ZNF704: variants seen among roughly 807,000 people sequenced by gnomAD.
ZNF704 encodes glucocorticoid induced gene 1.
A neutral mutation model predicts 44.7 loss-of-function variants in ZNF704; 10 were observed. The observed-to-expected ratio is 0.22, with a 90% CI of 0.14 to 0.38. The LOEUF (loss-of-function observed/expected upper bound fraction) is 0.38. Among genes scored for constraint, ZNF704 ranks in the 10% least tolerant of loss-of-function variants. ZNF704 has a pLI of 1.00. For missense variants in ZNF704, 390 were observed against 545.5 expected (o/e 0.71, Z 2.84); for synonymous variants, 211 against 207.6 (o/e 1.02, Z -0.14).
intron 1 of ZNF704, among the ~76,000 whole-genome samples, chr8:80,851,516 T>C (rs968373059): frequency 9.9e-5 from 14 of 141,380 alleles, no homozygotes; most frequent in African/African-American, 2.9e-4. Flanking sequence ...TAGGTGGGAA[T>C]TGAACAATGA....
intron 4 of ZNF704, among the ~76,000 whole-genome samples, chr8:80,678,390 T>C (rs182956350): frequency 1.3e-5 from 2 of 152,338 alleles, no homozygotes; most frequent in East Asian, 3.9e-4. Context: ...ATCTCACATT[T>C]ATTATCCCAT....
At chr8:80,872,558 T>C (rs1809270954) in intron 1 of ZNF704, among the ~76,000 whole-genome samples, 2 of 152,168 alleles carry the variant, frequency 1.3e-5, no homozygotes, top group Admixed American at 6.5e-5. Flanking sequence ...ATTCAGCTGA[T>C]TTTAGGAACC....
chr8:80,703,405 T>C (rs114585721), intron 2 of ZNF704, among the ~76,000 whole-genome samples: 205 of 152,250 alleles, frequency 1.3e-3, no homozygotes, highest in African/African-American at 4.6e-3. Context: ...CTCCTCCCCA[T>C]GCGAAGATCA....
intron 2 of ZNF704, among the ~76,000 whole-genome samples, chr8:80,783,832 T>A (rs925247988): frequency 6.6e-6 from 1 of 152,100 alleles, no homozygotes; most frequent in Admixed American, 6.5e-5. Flanking sequence ...CATTATAGCA[T>A]CATACAAGGT....
At chr8:80,655,807 C>T (rs1818005542) in intron 7 of ZNF704, among the ~76,000 whole-genome samples, 1 of 152,176 alleles carries the variant, frequency 6.6e-6, no homozygotes, top group Admixed American at 6.5e-5. Flanking sequence ...TCTGAATCTT[C>T]CCTCAAGGCA....
rs143388917 is a variant in ZNF704 at position 80,709,122 on chromosome 8, C to T, written c.222-16015G>A. Among the ~76,000 whole-genome samples, 289 of 152,194 alleles carry T rather than the reference C, an allele frequency of 1.9e-3. 1 individual carries two copies. Among genetic ancestry groups the T allele is most frequent in the African/African-American group, 6.6e-3 (275 of 41,530 alleles). On this transcript the variant is annotated intron_variant, in intron 2 of 8. Transcript: ENST00000327835. ...CATCTACCATAGACAGAAATAAGCA[C>T]GTGCTTTCCTTTGTAAGTAGGAAAA...
At position 80,727,790 on chromosome 8, in the gene ZNF704, A is replaced by G. The variant is rs570885413; in HGVS notation, c.222-34683T>C. On this transcript the variant is annotated intron_variant, in intron 2 of 8. Transcript: ENST00000327835. ...AGGAGAGCTCTTGCTTTTCCTGAGC[A>G]TAGGAAAAATTAGCATCGGTATTTC... Among the ~76,000 whole-genome samples, 43 of 152,300 alleles carry G rather than the reference A, an allele frequency of 2.8e-4. No homozygotes were observed. In the South Asian group the frequency reaches 8.7e-3, roughly 31 times the overall value.
chr8:80,654,566 T>C (rs1817980041), intron 7 of ZNF704, among the ~76,000 whole-genome samples: 1 of 152,244 alleles, frequency 6.6e-6, no homozygotes, highest in Admixed American at 6.5e-5. Context: ...AAGACATTTA[T>C]GCGGCCAAAA....
chr8:80,662,837 G>A (rs2131607806), intron 6 of ZNF704, among the ~76,000 whole-genome samples: 1 of 152,156 alleles, frequency 6.6e-6, no homozygotes, highest in South Asian at 2.1e-4. Context: ...AGTTATTAAT[G>A]ACGAAAAAAC....
At chr8:80,765,327 GACTCACTCACA>G (rs1807210598) in intron 2 of ZNF704, among the ~76,000 whole-genome samples, 1 of 151,994 alleles carries the variant, frequency 6.6e-6, no homozygotes, top group Non-Finnish European at 1.5e-5. Flanking sequence ...GGTCCACTCC[GACTCACTCACA>G]CTAATCTCCT....
intron 1 of ZNF704, among the ~76,000 whole-genome samples, chr8:80,855,539 G>C (rs890809998): frequency 6.6e-6 from 1 of 152,170 alleles, no homozygotes; most frequent in Non-Finnish European, 1.5e-5. Context: ...AATATCACAT[G>C]TTCTCACTTA....
intron 2 of ZNF704, among the ~76,000 whole-genome samples, chr8:80,803,651 A>G (rs1224535991): frequency 6.6e-6 from 1 of 152,184 alleles, no homozygotes; most frequent in Non-Finnish European, 1.5e-5. Flanking sequence ...TTAAAACTGG[A>G]CCCCTTCCTT....
At chr8:80,765,324 T>G (rs1807210431) in intron 2 of ZNF704, among the ~76,000 whole-genome samples, 1 of 152,118 alleles carries the variant, frequency 6.6e-6, no homozygotes, top group Non-Finnish European at 1.5e-5. Context: ...CCTGGTCCAC[T>G]CCGACTCACT....
intron 1 of ZNF704, among the ~76,000 whole-genome samples, chr8:80,858,146 C>A (rs1808994539): frequency 6.6e-6 from 1 of 152,084 alleles, no homozygotes; most frequent in South Asian, 2.1e-4. Flanking sequence ...GCAATCTGTG[C>A]TTTCTCTTTT....
At chr8:80,838,915 G>A (rs989160577) in intron 1 of ZNF704, among the ~76,000 whole-genome samples, 2 of 152,164 alleles carry the variant, frequency 1.3e-5, no homozygotes, top group African/African-American at 2.4e-5. Flanking sequence ...GGACCCTGGA[G>A]AGAAACAGAA....
chr8:80,814,102 A>G (rs1038185717), intron 2 of ZNF704: 14 of 152,164 alleles, frequency 9.2e-5, no homozygotes, highest in African/African-American at 2.9e-4. Context: ...AACAACAAAC[A>G]AAAACCTACC....
intron 2 of ZNF704, among the ~76,000 whole-genome samples, chr8:80,779,626 T>G (rs1186835378): frequency 6.6e-6 from 1 of 152,068 alleles, no homozygotes; most frequent in Admixed American, 6.6e-5. Flanking sequence ...TTTCTTTTAG[T>G]CATCTTCACT....
In ZNF704 at chr8:80,829,849, T is replaced by C. The variant is rs529917203; in HGVS notation, c.-21-8234A>G. The stretch of plus-strand genomic sequence containing the variant: ...TAAAGAAAATTTAGCCCAGACTTCT[T>C]ATTTAAAAGTAGAATTAAAATGATC... On this transcript the variant is annotated intron_variant, in intron 1 of 8. Coordinates refer to ENST00000327835, the MANE Select transcript of ZNF704 (RefSeq NM_001033723.3). Among the ~76,000 whole-genome samples, 3 of 152,304 alleles carry C rather than the reference T, an allele frequency of 2.0e-5. No homozygotes were observed. In the East Asian group the frequency reaches 5.8e-4, roughly 29 times the overall value.
intron 1 of ZNF704, among the ~76,000 whole-genome samples, chr8:80,825,582 G>C (rs1808357138): frequency 6.6e-6 from 1 of 152,144 alleles, no homozygotes; most frequent in Non-Finnish European, 1.5e-5. Flanking sequence ...AGACCTAATA[G>C]ACATCTACAG....
Sources: allele counts gnomAD v4.1 joint callset (sites outside exome capture counted in the v4.1 genomes callset), GRCh38; gene constraint gnomAD v4.1.1; transcripts MANE v1.5; gene names NCBI Gene and HGNC (gene_info 2026-07-23, HGNC 2026-07-21).